DDX10: variants seen among roughly 807,000 people sequenced by gnomAD.
DDX10 encodes the protein probable ATP-dependent RNA helicase DDX10.
A neutral mutation model predicts 104.3 loss-of-function variants in DDX10; 74 were observed. That is an observed-to-expected ratio of 0.71 (90% CI 0.59 to 0.86). DDX10 has a LOEUF of 0.86. Ranked by LOEUF, DDX10 falls within the 40% of genes least tolerant of loss-of-function variation. The probability of loss-of-function intolerance (pLI) is 0.00; values close to 1 mark genes in which losing one functional copy is unlikely to be tolerated. For synonymous variants in DDX10, 351 were observed against 353.4 expected (o/e 0.99, Z 0.08); for missense variants, 952 against 1,040.0 (o/e 0.92, Z 1.16).
chr11:108,749,054 CTCTCTCTCTCTCTCTT>C (rs2094335195), intron 13 of DDX10, among the ~76,000 whole-genome samples: 2 of 150,752 alleles, frequency 1.3e-5, no homozygotes, highest in Non-Finnish European at 2.9e-5. Flanking sequence ...AACCATGTCT[CTCTCTCTCTCTCTCTT>C]TCTCTCTCTC....
intron 13 of DDX10, among the ~76,000 whole-genome samples, chr11:108,750,496 C>G (rs749658946): frequency 1.9e-4 from 29 of 152,084 alleles, no homozygotes; most frequent in Non-Finnish European, 3.8e-4. Flanking sequence ...GTTCCCCCAA[C>G]TCTCTTTCAC....
At position 108,876,009 on chromosome 11, in the gene DDX10, C is replaced by A. The variant is rs142484283; in HGVS notation, c.2304+23800C>A. Among the ~76,000 whole-genome samples the A allele has an allele frequency of 4.2e-4, 64 of 152,238 alleles. 1 individual carries two copies. The highest frequency in any genetic ancestry group is 1.5e-3 in the African/African-American group (62 of 41,554). ...GGTTTGCACGTGAAGAAAATAGAACCTTGGAGAATATTATATGTTCTCCGA... is the reference window on the plus strand; with the variant it reads ...GGTTTGCACGTGAAGAAAATAGAACATTGGAGAATATTATATGTTCTCCGA... On this transcript the variant is annotated intron_variant, in intron 16 of 17. Coordinates refer to ENST00000322536, the MANE Select transcript of DDX10 (RefSeq NM_004398.4).
chr11:108,850,303 G>T (rs1862773260), intron 15 of DDX10, among the ~76,000 whole-genome samples: 2 of 152,042 alleles, frequency 1.3e-5, no homozygotes, highest in African/African-American at 4.8e-5. Flanking sequence ...TGACTATAAT[G>T]AATTAATATT....
intron 13 of DDX10, among the ~76,000 whole-genome samples, chr11:108,753,987 A>T (rs1331683456): frequency 6.6e-6 from 1 of 152,064 alleles, no homozygotes; most frequent in Non-Finnish European, 1.5e-5. Flanking sequence ...CCTTTAAAAA[A>T]GTGAATCCAA....
At chr11:108,845,101 C>T (rs540275142) in intron 15 of DDX10, among the ~76,000 whole-genome samples, 6 of 151,762 alleles carry the variant, frequency 4.0e-5, no homozygotes, top group South Asian at 2.1e-4. Context: ...CCAGCTACTC[C>T]GGAGGCTGAG....
At chr11:108,931,220 A>G (rs1384941998) in intron 17 of DDX10, among the ~76,000 whole-genome samples, 1 of 152,240 alleles carries the variant, frequency 6.6e-6, no homozygotes, top group Non-Finnish European at 1.5e-5. Context: ...GTTAACATCA[A>G]CAGAAAAGTA....
intron 13 of DDX10, among the ~76,000 whole-genome samples, chr11:108,748,239 G>A (rs897865438): frequency 1.3e-5 from 2 of 152,162 alleles, no homozygotes; most frequent in African/African-American, 4.8e-5. Context: ...ACAGAGATAC[G>A]AAGCTAGGGC....
At chr11:108,834,022 C>G (rs1387801889) in intron 13 of DDX10, among the ~76,000 whole-genome samples, 2 of 152,064 alleles carry the variant, frequency 1.3e-5, no homozygotes, top group Non-Finnish European at 2.9e-5. Flanking sequence ...GTGGAGTGAT[C>G]ACAGCTCACT....
At chr11:108,683,129 C>G (rs1469870297) in intron 6 of DDX10, among the ~76,000 whole-genome samples, 1 of 152,158 alleles carries the variant, frequency 6.6e-6, no homozygotes, top group African/African-American at 2.4e-5. Flanking sequence ...CTCAGGGTCT[C>G]AACCAAAAGA....
intron 13 of DDX10, among the ~76,000 whole-genome samples, chr11:108,779,638 T>A (rs1477344372): frequency 2.6e-5 from 4 of 151,964 alleles, no homozygotes; most frequent in African/African-American, 9.7e-5. Context: ...CTGCACGTTG[T>A]GCACATGTAC....
intron 16 of DDX10, among the ~76,000 whole-genome samples, chr11:108,883,067 C>A (rs1863248527): frequency 6.6e-6 from 1 of 151,898 alleles, no homozygotes; most frequent in Admixed American, 6.6e-5. Flanking sequence ...GGGGTTTTTC[C>A]CCCCTCTCTT....
intron 13 of DDX10, among the ~76,000 whole-genome samples, chr11:108,749,101 A>G (rs984976657): frequency 5.3e-5 from 8 of 151,554 alleles, no homozygotes; most frequent in African/African-American, 1.9e-4. Context: ...TATATATTAT[A>G]TATAGTTTCT....
Position 108,675,588 on chromosome 11 carries a change from G to A in DDX10, c.248-8G>A. ...TCTAAAGTATAATTCTTCCCTCCAT[G>A]TTGCCAGGTTTGCAAGAAGCTCAGT... On this transcript the variant is annotated splice_polypyrimidine_tract_variant and splice_region_variant and intron_variant, in intron 2 of 17. Transcript: ENST00000322536. The A allele has an allele frequency of 3.1e-6, 5 of 1,613,118 alleles. No homozygotes were observed. Among genetic ancestry groups the A allele is most frequent in the Non-Finnish European group, 4.2e-6 (5 of 1,179,634 alleles).
chr11:108,940,624 G>A lies in DDX10; in HGVS notation c.*201G>A, dbSNP rs1262683294. 2.2e-6 allele frequency: 1 copy of A among 445,638 alleles called. No individual in the cohort carries two copies. The highest frequency in any genetic ancestry group is 5.0e-5 in the South Asian group (1 of 19,950). The allele number at this position is 445,638 out of a possible 1,614,324, so 27.6% of individuals were successfully genotyped here. A position where few individuals can be genotyped will look rare whatever the true frequency, so the allele number is the denominator to read the frequency against. On this transcript the variant is annotated 3_prime_UTR_variant, in exon 18 of 18. Coordinates refer to ENST00000322536, the MANE Select transcript of DDX10 (RefSeq NM_004398.4). Reference sequence around the variant, plus strand: ...ATCACTGAGCATACTCAGATCGAGGGTGGATGATACCATTTCCTGACCCCG... The same window carrying A: ...ATCACTGAGCATACTCAGATCGAGGATGGATGATACCATTTCCTGACCCCG...
intron 16 of DDX10, among the ~76,000 whole-genome samples, chr11:108,865,678 G>T (rs1295017929): frequency 2.6e-5 from 4 of 152,048 alleles, no homozygotes; most frequent in Non-Finnish European, 5.9e-5. Flanking sequence ...GAGTGTGGGG[G>T]ATGCAGCGAG....
At chr11:108,696,648 G>T (rs1044552771) in intron 9 of DDX10, among the ~76,000 whole-genome samples, 65 of 152,262 alleles carry the variant, frequency 4.3e-4, no homozygotes, top group African/African-American at 1.3e-3. Context: ...CTCTGGATAG[G>T]CAGGGTTGGA....
rs140162829 is a variant in DDX10, at chr11:108,916,797, A to G, written c.2305-1076A>G. ...ATAAATTTGTCGTGTGATGTTCATA[A>G]CATAAATGTATAATAAGTTTAATTT... On this transcript the variant is annotated intron_variant, in intron 16 of 17. Transcript: ENST00000322536. Among the ~76,000 whole-genome samples, 26 of 152,294 alleles carry G rather than the reference A, an allele frequency of 1.7e-4. 1 individual carries two copies. The East Asian group carries it at 5.0e-3, about 29-fold the overall frequency.
intron 16 of DDX10, among the ~76,000 whole-genome samples, chr11:108,911,260 T>A (rs1863673897): frequency 6.6e-6 from 1 of 152,212 alleles, no homozygotes; most frequent in Non-Finnish European, 1.5e-5. Flanking sequence ...GACATCTTTG[T>A]CTTAATCCAT....
chr11:108,687,840 C>G (rs1186108270), intron 6 of DDX10, among the ~76,000 whole-genome samples: 1 of 152,166 alleles, frequency 6.6e-6, no homozygotes, highest in African/African-American at 2.4e-5. Context: ...ATATCTAAAA[C>G]CAGTTGACTT....
Sources: allele counts gnomAD v4.1 joint callset (sites outside exome capture counted in the v4.1 genomes callset), GRCh38; gene constraint gnomAD v4.1.1; transcripts MANE v1.5; gene names NCBI Gene and HGNC (gene_info 2026-07-23, HGNC 2026-07-21).